TCF7L2: variants seen among roughly 807,000 people sequenced by gnomAD.
The protein encoded by TCF7L2 is transcription factor 7-like 2.
Under a neutral mutation model 77.9 loss-of-function variants are expected in TCF7L2, and 23 were observed. The observed-to-expected ratio is 0.30, with a 90% confidence interval of 0.21 to 0.42. The LOEUF (loss-of-function observed/expected upper bound fraction) is 0.42, where lower values mean the gene tolerates loss of function less well. TCF7L2 is among the 10% of genes least tolerant of loss of function. The probability of loss-of-function intolerance (pLI) is 1.00; values close to 1 mark genes in which losing one functional copy is unlikely to be tolerated. For missense variants in TCF7L2, 654 were observed against 793.1 expected (o/e 0.82, Z 2.11); for synonymous variants, 413 against 340.2 (o/e 1.21, Z -2.36).
rs1169839945 is a variant in TCF7L2 at position 113,095,112 on chromosome 10, TAAAAACA to T, written c.553-46058_553-46052del. On this transcript the variant is annotated intron_variant, in intron 5 of 13. Coordinates refer to ENST00000627217, the MANE Select transcript of TCF7L2 (RefSeq NM_001146274.2). ...CAGAGCAAGACTCCATCTCAAAAAA[TAAAAACA>T]AAAAACAAAAAACCAAAAAACAAAG... Among the ~76,000 whole-genome samples, 11 of 151,992 alleles carry T rather than the reference TAAAAACA, an allele frequency of 7.2e-5. No homozygotes were observed. The East Asian group carries it at 7.7e-4, about 11-fold the overall frequency.
At chr10:113,117,483 C>T (rs911370111) in intron 5 of TCF7L2, among the ~76,000 whole-genome samples, 5 of 141,084 alleles carry the variant, frequency 3.5e-5, no homozygotes, top group Admixed American at 1.5e-4. Flanking sequence ...ATATAGCTAA[C>T]GTAATAGAAA....
intron 3 of TCF7L2, among the ~76,000 whole-genome samples, chr10:112,963,767 G>A (rs2035872916): frequency 6.6e-6 from 1 of 152,152 alleles, no homozygotes; most frequent in Non-Finnish European, 1.5e-5. Context: ...ATTGATGGGT[G>A]GTCTCTAGGA....
At chr10:113,012,423 G>C (rs146398962) in intron 4 of TCF7L2, among the ~76,000 whole-genome samples, 325 of 152,178 alleles carry the variant, frequency 2.1e-3, no homozygotes, top group Non-Finnish European at 3.9e-3. Context: ...GAGTCTCTGT[G>C]GTGGGTTCTA....
At chr10:113,085,564 G>T (rs1411767710) in intron 5 of TCF7L2, among the ~76,000 whole-genome samples, 1 of 152,200 alleles carries the variant, frequency 6.6e-6, no homozygotes, top group East Asian at 1.9e-4. Context: ...CCAGCTAGTT[G>T]TGGAGTGGGG....
intron 4 of TCF7L2, among the ~76,000 whole-genome samples, chr10:113,004,313 C>G (rs1464609993): frequency 6.6e-6 from 1 of 152,140 alleles, no homozygotes; most frequent in East Asian, 1.9e-4. Flanking sequence ...TCTCTGTAGA[C>G]TCCAGGCAAG....
chr10:113,129,439 C>A (rs2066198390), intron 5 of TCF7L2: 1 of 1,008,566 alleles, frequency 9.9e-7, no homozygotes, highest in Admixed American at 5.4e-5. Flanking sequence ...GACCTTCCCC[C>A]TTCCTTCACG....
At chr10:113,095,203 T>G (rs980385281) in intron 5 of TCF7L2, among the ~76,000 whole-genome samples, 4 of 152,118 alleles carry the variant, frequency 2.6e-5, no homozygotes, top group African/African-American at 9.7e-5. Flanking sequence ...TTGCAAATAG[T>G]GAAGAGAGAG....
chr10:113,030,347 T>C (rs2050008973), intron 4 of TCF7L2, among the ~76,000 whole-genome samples: 1 of 152,196 alleles, frequency 6.6e-6, no homozygotes, highest in South Asian at 2.1e-4. Context: ...TCCCAGAACA[T>C]ACCATATTCA....
chr10:113,066,453 A>G (rs923702781), intron 5 of TCF7L2, among the ~76,000 whole-genome samples: 4 of 152,220 alleles, frequency 2.6e-5, no homozygotes, highest in Non-Finnish European at 5.9e-5. Context: ...TCTACTTACC[A>G]TATGCATCTG....
At chr10:112,994,558 C>T (rs1042576686) in intron 4 of TCF7L2, among the ~76,000 whole-genome samples, 7 of 152,092 alleles carry the variant, frequency 4.6e-5, no homozygotes, top group Non-Finnish European at 8.8e-5. Context: ...TGGGTATAGT[C>T]CTATGAGTGG....
At chr10:113,044,760 C>G (rs1001444195) in intron 5 of TCF7L2, among the ~76,000 whole-genome samples, 6 of 152,174 alleles carry the variant, frequency 3.9e-5, no homozygotes, top group African/African-American at 1.4e-4. Context: ...GAAGGAAACA[C>G]ATGTGTGAAG....
chr10:113,094,476 A>G (rs1310018171), intron 5 of TCF7L2, among the ~76,000 whole-genome samples: 1 of 152,204 alleles, frequency 6.6e-6, no homozygotes, highest in African/African-American at 2.4e-5. Context: ...GCTAATTTAG[A>G]ACTCTCTACA....
chr10:113,045,490 G>A (rs145771373), intron 5 of TCF7L2, among the ~76,000 whole-genome samples: 1 of 152,280 alleles, frequency 6.6e-6, no homozygotes, highest in African/African-American at 2.4e-5. Context: ...TGGGAGCCCT[G>A]GGACCCCCAG....
chr10:113,070,209 T>C (rs2057785812), intron 5 of TCF7L2, among the ~76,000 whole-genome samples: 1 of 149,398 alleles, frequency 6.7e-6, no homozygotes. Context: ...TGAGCCGAGA[T>C]GGTGCCACTG....
intron 5 of TCF7L2, chr10:113,125,893 C>A (rs1564928687): frequency 6.6e-6 from 1 of 152,218 alleles, no homozygotes; most frequent in Admixed American, 6.5e-5. Flanking sequence ...GATGCAGTTT[C>A]TTTGAGTGAA....
intron 5 of TCF7L2, among the ~76,000 whole-genome samples, chr10:113,052,750 C>G (rs1042018591): frequency 7.9e-5 from 12 of 152,142 alleles, no homozygotes; most frequent in African/African-American, 2.9e-4. Flanking sequence ...ATGCATTCTA[C>G]CTGTGAATGA....
intron 4 of TCF7L2, among the ~76,000 whole-genome samples, chr10:113,008,547 C>A (rs2045956326): frequency 6.6e-6 from 1 of 152,270 alleles, no homozygotes; most frequent in Admixed American, 6.5e-5. Context: ...CTGTATACTA[C>A]CTGTGCTATT....
In TCF7L2 at chr10:112,964,784, G is replaced by GTGGTGA. The variant is rs1564719143; in HGVS notation, c.450+165_450+166insATGGTG. ...GATGGTGGTGGTGGTGGTGATGGTG[G>GTGGTGA]TGGTGGTGATGGTGGTGGTGGTGGT... is the stretch of plus-strand genomic sequence containing the variant. On this transcript the variant is annotated intron_variant, in intron 4 of 13. Transcript: ENST00000627217. Among the ~76,000 whole-genome samples, 449 of 143,768 alleles carry GTGGTGA rather than the reference G, an allele frequency of 3.1e-3. 4 individuals carry two copies. Among genetic ancestry groups the GTGGTGA allele is most frequent in the African/African-American group, 0.012 (422 of 36,496 alleles). The allele number at this position is 143,768 out of a possible 152,430, so 94.3% of individuals were successfully genotyped here.
At chr10:113,031,632 C>T (rs568785478) in intron 4 of TCF7L2, among the ~76,000 whole-genome samples, 4 of 152,198 alleles carry the variant, frequency 2.6e-5, no homozygotes, top group Non-Finnish European at 5.9e-5. Flanking sequence ...GCATAACAGG[C>T]GCCTGCCACC....
Sources: allele counts gnomAD v4.1 joint callset (sites outside exome capture counted in the v4.1 genomes callset), GRCh38; gene constraint gnomAD v4.1.1; transcripts MANE v1.5; gene names NCBI Gene and HGNC (gene_info 2026-07-23, HGNC 2026-07-21).